RBFOX1: variants seen among roughly 807,000 people sequenced by gnomAD.
RBFOX1 encodes the protein RNA binding fox-1 homolog 1.
RBFOX1 carries 8 observed loss-of-function variants against 57.7 expected under a neutral mutation model. The ratio of observed to expected loss-of-function variants is 0.14; its 90% CI spans 0.08 to 0.25. The LOEUF is 0.25. Ranked by LOEUF, RBFOX1 falls within the 10% of genes least tolerant of loss-of-function variation. The pLI, the probability that RBFOX1 is intolerant of heterozygous loss-of-function variation, is 1.00. For synonymous variants in RBFOX1, 326 were observed against 222.4 expected, an observed-to-expected ratio of 1.47 and a Z score of -4.15; for missense variants, 611 against 548.5, an observed-to-expected ratio of 1.11 and a Z score of -1.14.
At position 6,590,329 on chromosome 16, in the gene RBFOX1, C is replaced by T. The variant is rs918048301; in HGVS notation, c.-63-64274C>T. Among the ~76,000 whole-genome samples, 4 of 152,146 alleles carry T rather than the reference C, an allele frequency of 2.6e-5. No homozygotes were observed. In the East Asian group the frequency reaches 5.8e-4, roughly 22 times the overall value. The stretch of plus-strand genomic sequence containing the variant: ...CAAATGGCCTCAACCATCGGATTTG[C>T]CTGTAGGTGTCATTCATTTTTGTTG... On this transcript the variant is annotated intron_variant, in intron 2 of 15. Coordinates refer to ENST00000550418, the MANE Select transcript of RBFOX1 (RefSeq NM_018723.4).
At chr16:7,051,542 C>G (rs7205508) in intron 3 of RBFOX1, among the ~76,000 whole-genome samples, 2,504 of 152,326 alleles carry the variant, frequency 0.016, 57 homozygotes, top group African/African-American at 0.057. Flanking sequence ...CAGCACAATC[C>G]TATGGGGACT....
In RBFOX1 at chr16:5,463,673, A is replaced by C. The variant is rs543380523; in HGVS notation, c.220-3543A>C. Among the ~76,000 whole-genome samples the C allele has an allele frequency of 2.6e-5, 4 of 152,070 alleles. No homozygotes were observed. The South Asian group carries it at 8.3e-4, about 32-fold the overall frequency. ...AAATTAGCCAGACGTGCTGACACAC[A>C]ACTGTAATCCCAGCTACTCGGGAGG... On this transcript the variant is annotated intron_variant, in intron 1 of 2. Transcript: ENST00000585867.
chr16:7,472,053 G>T (rs2061654159), intron 4 of RBFOX1, among the ~76,000 whole-genome samples: 1 of 152,162 alleles, frequency 6.6e-6, no homozygotes, highest in East Asian at 1.9e-4. Context: ...ACACAATTTA[G>T]CTGCTATGCC....
intron 2 of RBFOX1, among the ~76,000 whole-genome samples, chr16:6,429,330 C>T (rs1276703383): frequency 6.6e-6 from 1 of 152,242 alleles, no homozygotes; most frequent in Non-Finnish European, 1.5e-5. Flanking sequence ...ACTGCTGCTG[C>T]AGGGTTTCTT....
intron 10 of RBFOX1, among the ~76,000 whole-genome samples, chr16:7,617,924 C>A (rs2058718382): frequency 6.6e-6 from 1 of 152,022 alleles, no homozygotes; most frequent in Non-Finnish European, 1.5e-5. Flanking sequence ...GGGTAAAGAT[C>A]ATTGCAGGAG....
intron 3 of RBFOX1, among the ~76,000 whole-genome samples, chr16:6,738,712 T>A (rs2071178937): frequency 6.6e-6 from 1 of 152,118 alleles, no homozygotes; most frequent in South Asian, 2.1e-4. Flanking sequence ...ATAGAGCATA[T>A]ACCTTGAGAG....
chr16:5,324,117 A>C (rs1418617208), intron 1 of RBFOX1, among the ~76,000 whole-genome samples: 2 of 152,004 alleles, frequency 1.3e-5, no homozygotes, highest in Non-Finnish European at 2.9e-5. Context: ...GTGTTGGGGG[A>C]GGGGGTGGGG....
At chr16:6,657,299 A>T (rs1021260972) in intron 3 of RBFOX1, among the ~76,000 whole-genome samples, 1 of 152,038 alleles carries the variant, frequency 6.6e-6, no homozygotes, top group South Asian at 2.1e-4. Context: ...CTCTGTTTCT[A>T]ACAATTGTTA....
intron 1 of RBFOX1, among the ~76,000 whole-genome samples, chr16:5,444,014 G>A (rs1056000375): frequency 6.6e-6 from 1 of 152,122 alleles, no homozygotes; most frequent in African/African-American, 2.4e-5. Context: ...AGAGAAAACC[G>A]AGGTGATTTT....
chr16:5,468,105 C>G (rs889175374), intron 2 of RBFOX1, among the ~76,000 whole-genome samples: 7 of 152,120 alleles, frequency 4.6e-5, no homozygotes, highest in African/African-American at 1.2e-4. Context: ...CTCTTACTGT[C>G]CACCCTTCCC....
intron 4 of RBFOX1, among the ~76,000 whole-genome samples, chr16:7,093,373 G>T (rs1429657695): frequency 6.6e-6 from 1 of 152,100 alleles, no homozygotes; most frequent in Non-Finnish European, 1.5e-5. Context: ...CTGTTGTCTC[G>T]AATATTCCAG....
At chr16:5,457,737 C>T (rs1362201080) in intron 1 of RBFOX1, among the ~76,000 whole-genome samples, 1 of 152,168 alleles carries the variant, frequency 6.6e-6, no homozygotes, top group Non-Finnish European at 1.5e-5. Flanking sequence ...CCTGCTGGGG[C>T]CCAGTGTGAC....
chr16:7,157,584 C>T (rs1235235673), intron 4 of RBFOX1, among the ~76,000 whole-genome samples: 1 of 152,002 alleles, frequency 6.6e-6, no homozygotes, highest in Non-Finnish European at 1.5e-5. Context: ...TGAAAATATC[C>T]GAATAGGGTC....
intron 2 of RBFOX1, among the ~76,000 whole-genome samples, chr16:6,638,045 G>T (rs2098459298): frequency 6.6e-6 from 1 of 152,046 alleles, no homozygotes; most frequent in Admixed American, 6.6e-5. Context: ...GACACCTTTA[G>T]GGGTAGACTA....
chr16:7,111,241 T>C (rs1453185859), intron 4 of RBFOX1, among the ~76,000 whole-genome samples: 1 of 152,200 alleles, frequency 6.6e-6, no homozygotes, highest in Non-Finnish European at 1.5e-5. Context: ...TGAAGTATTT[T>C]AATTAACTTA....
At chr16:6,806,829 T>TAAATATATAA (rs1297871408) in intron 3 of RBFOX1, among the ~76,000 whole-genome samples, 1 of 87,578 alleles carries the variant, frequency 1.1e-5, no homozygotes. Context: ...TATATATATA[T>TAAATATATAA]ATATATATTT....
intron 4 of RBFOX1, among the ~76,000 whole-genome samples, chr16:7,392,999 G>A (rs1006233692): frequency 3.9e-5 from 6 of 152,056 alleles, no homozygotes; most frequent in East Asian, 1.9e-4. Context: ...TCAGCCTCCC[G>A]TATAGCTGGG....
At chr16:7,475,282 G>A (rs1247691509) in intron 4 of RBFOX1, among the ~76,000 whole-genome samples, 2 of 151,106 alleles carry the variant, frequency 1.3e-5, no homozygotes, top group East Asian at 3.9e-4. Flanking sequence ...TGCAGCTACC[G>A]ATTAATAGAT....
chr16:6,882,426 C>G (rs1304690922), intron 3 of RBFOX1, among the ~76,000 whole-genome samples: 2 of 152,036 alleles, frequency 1.3e-5, no homozygotes, highest in Admixed American at 6.6e-5. Flanking sequence ...GAAACCCCAT[C>G]TTCACTAAAA....
Sources: gnomAD v4.1 joint callset for allele counts (sites outside exome capture counted in the v4.1 genomes callset) on GRCh38, gnomAD v4.1.1 for gene constraint, MANE v1.5 for transcripts, NCBI Gene and HGNC (gene_info 2026-07-23, HGNC 2026-07-21) for gene names.